The following ESR1 variants were observed in gnomAD, a reference collection of about 807,000 sequenced individuals.
The protein encoded by ESR1 is estrogen receptor 1, also known as estrogen receptor.
A neutral mutation model predicts 52.7 loss-of-function variants in ESR1; 12 were observed. That is an observed-to-expected ratio of 0.23 (90% CI 0.15 to 0.37). ESR1 has a LOEUF of 0.37. Among genes scored for constraint, ESR1 ranks in the 10% least tolerant of loss-of-function variants. The probability of loss-of-function intolerance (pLI) is 1.00; values close to 1 mark genes in which losing one functional copy is unlikely to be tolerated. For synonymous variants in ESR1, 305 were observed against 316.8 expected (o/e 0.96, Z 0.39); for missense variants, 584 against 779.7 (o/e 0.75, Z 2.99).
intron 2 of ESR1, among the ~76,000 whole-genome samples, chr6:151,793,064 G>A (rs1022582692): frequency 1.3e-5 from 2 of 151,864 alleles, no homozygotes; most frequent in Non-Finnish European, 2.9e-5. Context: ...CCAGCTACTC[G>A]GGCGGCTGAG....
At chr6:152,062,786 T>C (rs1377157456) in intron 6 of ESR1, among the ~76,000 whole-genome samples, 1 of 152,180 alleles carries the variant, frequency 6.6e-6, no homozygotes, top group Non-Finnish European at 1.5e-5. Context: ...CCCGAACTTT[T>C]ACTGAGAAAA....
chr6:151,661,585 C>T (rs534476797), intron 1 of ESR1, among the ~76,000 whole-genome samples: 2 of 152,332 alleles, frequency 1.3e-5, no homozygotes, highest in African/African-American at 4.8e-5. Flanking sequence ...GTTATGTGCA[C>T]AGCCTGTTTG....
chr6:151,872,809 G>A (rs1041750175), intron 2 of ESR1, among the ~76,000 whole-genome samples: 3 of 152,184 alleles, frequency 2.0e-5, no homozygotes, highest in Admixed American at 2.0e-4. Context: ...ACTGCAGAAA[G>A]TCAATATCTT....
At chr6:151,857,501 A>G (rs1788073257) in intron 2 of ESR1, among the ~76,000 whole-genome samples, 1 of 151,654 alleles carries the variant, frequency 6.6e-6, no homozygotes, top group Non-Finnish European at 1.5e-5. Context: ...ACCCACACAC[A>G]CACACACACC....
At position 151,887,787 on chromosome 6, in the gene ESR1, G is replaced by GT. The variant is rs965909174; in HGVS notation, c.760+7026dup. ...CTATAAGGACCATGTTCTTAAGCTG[G>GT]TTTTTTTTTTCCTAGTAGTTTTTAC... On this transcript the variant is annotated intron_variant, in intron 3 of 7. Coordinates refer to ENST00000206249, the MANE Select transcript of ESR1 (RefSeq NM_000125.4). Among the ~76,000 whole-genome samples the GT allele has an allele frequency of 4.9e-4, 73 of 149,472 alleles. No individual in the cohort carries two copies. The East Asian group carries it at 8.2e-3, about 17-fold the overall frequency.
At chr6:152,030,542 G>A (rs1362173072) in intron 5 of ESR1, among the ~76,000 whole-genome samples, 1 of 152,058 alleles carries the variant, frequency 6.6e-6, no homozygotes, top group African/African-American at 2.4e-5. Flanking sequence ...AGACAAAGAA[G>A]GCCATTACAT....
chr6:151,677,963 A>C (rs1044173452), intron 1 of ESR1, among the ~76,000 whole-genome samples: 1 of 149,486 alleles, frequency 6.7e-6, no homozygotes, highest in African/African-American at 2.4e-5. Context: ...CATTTGTAAA[A>C]AAATTAATAA....
rs1182401088 is a variant in ESR1 at position 152,060,954 on chromosome 6, T to TTTTA, written c.1236-21_1236-18dup. 21 of 1,506,402 alleles carry TTTTA rather than the reference T, an allele frequency of 1.4e-5. No individual in the cohort carries two copies. In the Admixed American group the frequency reaches 2.0e-4, roughly 14 times the overall value. The allele number at this position is 1,506,402 out of a possible 1,614,324, so 93.3% of individuals were successfully genotyped here. A position where few individuals can be genotyped will look rare whatever the true frequency, so the allele number is the denominator to read the frequency against. ...TGGAAGATTTTCTGTTTTTTAATCT[T>TTTTA]TTTATTTATTTATTTATTTTTGCTA... On this transcript the variant is annotated intron_variant, in intron 5 of 7. Coordinates refer to ENST00000206249, the MANE Select transcript of ESR1 (RefSeq NM_000125.4).
intron 2 of ESR1, among the ~76,000 whole-genome samples, chr6:151,719,360 G>GGA (rs1781289345): frequency 6.6e-6 from 1 of 152,190 alleles, no homozygotes; most frequent in African/African-American, 2.4e-5. Context: ...AAGGGTGCAA[G>GGA]AGTACTGTCA....
intron 5 of ESR1, among the ~76,000 whole-genome samples, chr6:152,040,749 A>G (rs1160630512): frequency 1.3e-5 from 2 of 152,190 alleles, no homozygotes; most frequent in Non-Finnish European, 1.5e-5. Context: ...ATGCAGAGCC[A>G]TCTGTAAACC....
chr6:151,838,504 G>C (rs1259726888), intron 1 of ESR1, among the ~76,000 whole-genome samples: 1 of 152,180 alleles, frequency 6.6e-6, no homozygotes, highest in Non-Finnish European at 1.5e-5. Flanking sequence ...GGCTGTGTTA[G>C]TCTGTATTCT....
chr6:151,861,982 T>C (rs1788974832), intron 2 of ESR1, among the ~76,000 whole-genome samples: 1 of 152,200 alleles, frequency 6.6e-6, no homozygotes, highest in Non-Finnish European at 1.5e-5. Context: ...TATTATAAAC[T>C]GGTTTGAGGG....
intron 2 of ESR1, among the ~76,000 whole-genome samples, chr6:151,745,901 C>T (rs1319556508): frequency 6.6e-6 from 1 of 152,118 alleles, no homozygotes; most frequent in East Asian, 1.9e-4. Context: ...ATTTCCTTCT[C>T]CTCCCAAGGC....
intron 4 of ESR1, among the ~76,000 whole-genome samples, chr6:151,990,395 C>T (rs1164531623): frequency 6.6e-6 from 1 of 151,894 alleles, no homozygotes; most frequent in Non-Finnish European, 1.5e-5. Flanking sequence ...GCTGGTGTTC[C>T]TTGTTGTTGG....
intron 1 of ESR1, among the ~76,000 whole-genome samples, chr6:151,683,302 C>G (rs1052041379): frequency 6.6e-6 from 1 of 152,074 alleles, no homozygotes; most frequent in South Asian, 2.1e-4. Flanking sequence ...ACTGAGGCTG[C>G]TCAGTAGCCC....
At chr6:152,060,544 C>A (rs1016124545) in intron 5 of ESR1, among the ~76,000 whole-genome samples, 1 of 152,188 alleles carries the variant, frequency 6.6e-6, no homozygotes, top group East Asian at 1.9e-4. Flanking sequence ...CAAAACACAA[C>A]CATCAGGACT....
chr6:151,771,838 T>A (rs543893157), intron 2 of ESR1, among the ~76,000 whole-genome samples: 1 of 152,160 alleles, frequency 6.6e-6, no homozygotes, highest in South Asian at 2.1e-4. Context: ...ATTTTGTAAT[T>A]AAAAAAAACA....
At chr6:151,796,283 A>C (rs189741133) in intron 2 of ESR1, among the ~76,000 whole-genome samples, 1 of 152,224 alleles carries the variant, frequency 6.6e-6, no homozygotes, top group African/African-American at 2.4e-5. Context: ...CATGGCACAA[A>C]TAAGGTGCAT....
At chr6:151,747,334 T>C (rs551796555) in intron 2 of ESR1, among the ~76,000 whole-genome samples, 3 of 152,320 alleles carry the variant, frequency 2.0e-5, no homozygotes, top group African/African-American at 7.2e-5. Flanking sequence ...AGATGGGTTG[T>C]GGAAGGCAAA....
Sources: gnomAD v4.1 joint callset for allele counts (sites outside exome capture counted in the v4.1 genomes callset) on GRCh38, gnomAD v4.1.1 for gene constraint, MANE v1.5 for transcripts, NCBI Gene and HGNC (gene_info 2026-07-23, HGNC 2026-07-21) for gene names.